XNDC1N: variants seen among roughly 807,000 people sequenced by gnomAD.
The protein encoded by XNDC1N is protein XNDC1N.
At chr11:71,884,323 T>C in the XNDC1N span, 5 of 1,373,020 alleles carry the variant, frequency 3.6e-6, no homozygotes, top group African/African-American at 7.4e-5. Flanking sequence ...TGTAATGCTT[T>C]TAATTTATTA....
At chr11:71,867,828 C>T in the XNDC1N span, among the ~76,000 whole-genome samples, 2 of 152,090 alleles carry the variant, frequency 1.3e-5, no homozygotes, top group African/African-American at 4.8e-5. Flanking sequence ...TGAGTTAGGG[C>T]CTAAATATCT....
At chr11:71,886,824 C>G in the XNDC1N span, among the ~76,000 whole-genome samples, 2 of 152,080 alleles carry the variant, frequency 1.3e-5, no homozygotes, top group African/African-American at 2.4e-5. Flanking sequence ...AGGTCAGGCC[C>G]GGCGATATGC....
At chr11:71,903,413 C>G in the XNDC1N span, 1 of 1,281,476 alleles carries the variant, frequency 7.8e-7, no homozygotes, top group South Asian at 1.2e-5. Flanking sequence ...GGTTTCACCT[C>G]CACACGGTCC....
At chr11:71,877,205 A>G in the XNDC1N span, among the ~76,000 whole-genome samples, 1 of 152,362 alleles carries the variant, frequency 6.6e-6, no homozygotes, top group South Asian at 2.1e-4. Context: ...TTATAGAAGT[A>G]GCACCAAGAA....
chr11:71,878,360 TCAG>T, the XNDC1N span: 6 of 1,407,830 alleles, frequency 4.3e-6, no homozygotes, highest in Non-Finnish European at 5.9e-6. Context: ...CAATAATCAC[TCAG>T]CAACTCACCT....
At chr11:71,902,722 TAC>T in the XNDC1N span, among the ~76,000 whole-genome samples, 4 of 152,276 alleles carry the variant, frequency 2.6e-5, no homozygotes, top group Admixed American at 6.5e-5. Context: ...TCAGCTGTTA[TAC>T]AGTGTTTACA....
chr11:71,924,940 G>C, the XNDC1N span, among the ~76,000 whole-genome samples: 2 of 152,084 alleles, frequency 1.3e-5, no homozygotes, highest in Non-Finnish European at 2.9e-5. Flanking sequence ...CTGAAAATAT[G>C]AGTCCGTGAC....
chr11:71,893,204 A>G, the XNDC1N span, among the ~76,000 whole-genome samples: 5 of 152,208 alleles, frequency 3.3e-5, no homozygotes, highest in Non-Finnish European at 7.3e-5. Context: ...CGGAGTTGTT[A>G]TATGTGACGT....
At chr11:71,897,906 G>A in the XNDC1N span, among the ~76,000 whole-genome samples, 10 of 152,200 alleles carry the variant, frequency 6.6e-5, no homozygotes, top group African/African-American at 2.2e-4. Flanking sequence ...ACTTCTGGCC[G>A]GTGCGGTGGC....
At chr11:71,896,763 C>T in the XNDC1N span, among the ~76,000 whole-genome samples, 2 of 152,350 alleles carry the variant, frequency 1.3e-5, no homozygotes, top group South Asian at 4.1e-4. Flanking sequence ...GGGGTTTCTC[C>T]CTGTCGGTCA....
At chr11:71,910,067 G>C in the XNDC1N span, among the ~76,000 whole-genome samples, 1 of 152,070 alleles carries the variant, frequency 6.6e-6, no homozygotes, top group African/African-American at 2.4e-5. Context: ...AACAGGACCC[G>C]GTCCCCAGAG....
chr11:71,915,913 C>A, the XNDC1N span, among the ~76,000 whole-genome samples: 1 of 152,166 alleles, frequency 6.6e-6, no homozygotes, highest in African/African-American at 2.4e-5. Flanking sequence ...GGAGTTCACG[C>A]CTACCTGTAA....
the XNDC1N span, among the ~76,000 whole-genome samples, chr11:71,892,136 C>T: frequency 6.6e-6 from 1 of 152,092 alleles, no homozygotes. Flanking sequence ...GGTGTACACC[C>T]ACTGTGACAT....
chr11:71,890,456 T>A, the XNDC1N span, among the ~76,000 whole-genome samples: 5 of 152,144 alleles, frequency 3.3e-5, no homozygotes, highest in South Asian at 1.0e-3. Context: ...TCAGGGATAG[T>A]GTACACCTTC....
At chr11:71,889,915 C>T in the XNDC1N span, among the ~76,000 whole-genome samples, 3 of 152,122 alleles carry the variant, frequency 2.0e-5, no homozygotes, top group Non-Finnish European at 4.4e-5. Flanking sequence ...TGTGCTTCTT[C>T]GTGATCTGAT....
At chr11:71,925,004 T>C in the XNDC1N span, among the ~76,000 whole-genome samples, 1 of 151,928 alleles carries the variant, frequency 6.6e-6, no homozygotes, top group African/African-American at 2.4e-5. Context: ...CCACCAAAAC[T>C]TTTTTTCCCT....
chr11:71,919,770 A>G, the XNDC1N span, among the ~76,000 whole-genome samples: 2 of 147,456 alleles, frequency 1.4e-5, no homozygotes, highest in African/African-American at 5.0e-5. Context: ...GGCGCCCACC[A>G]CCATGCCCGG....
the XNDC1N span, among the ~76,000 whole-genome samples, chr11:71,888,559 T>C: frequency 1.3e-5 from 2 of 152,162 alleles, no homozygotes; most frequent in Non-Finnish European, 2.9e-5. Flanking sequence ...AGATGGCAGC[T>C]GGACTTTGAA....
At chr11:71,912,674 C>G in the XNDC1N span, among the ~76,000 whole-genome samples, 146,640 of 152,232 alleles carry the variant, frequency 0.96, 70,796 homozygotes, top group African/African-American at 0.99. Context: ...ATATCGTAGG[C>G]GTGGGGGATG....
Sources: allele counts gnomAD v4.1 joint callset (sites outside exome capture counted in the v4.1 genomes callset), GRCh38; gene constraint gnomAD v4.1.1; transcripts MANE v1.5; gene names NCBI Gene and HGNC (gene_info 2026-07-23, HGNC 2026-07-21).